The following MCM10 variants were observed in gnomAD, a reference collection of about 807,000 sequenced individuals.
The protein encoded by MCM10 is minichromosome maintenance 10 replication initiation factor.
In MCM10, 91 loss-of-function variants were observed where a neutral mutation model predicts 109.9. The observed-to-expected ratio is 0.83, with a 90% CI of 0.70 to 0.99. The LOEUF (loss-of-function observed/expected upper bound fraction) is 0.99, where lower values mean the gene tolerates loss of function less well. Ranked by LOEUF, MCM10 falls within the 50% of genes least tolerant of loss-of-function variation. The probability of loss-of-function intolerance (pLI) is 0.00; values close to 1 mark genes in which losing one functional copy is unlikely to be tolerated. For synonymous variants in MCM10, 380 were observed against 387.2 expected, an observed-to-expected ratio of 0.98 and a Z score of 0.22; for missense variants, 1,077 against 1,061.2, an observed-to-expected ratio of 1.01 and a Z score of -0.21.
chr10:13,175,119 A>G (rs1243223299), intron 5 of MCM10, among the ~76,000 whole-genome samples: 1 of 151,460 alleles, frequency 6.6e-6, no homozygotes, highest in African/African-American at 2.4e-5. Context: ...GTGAAACTCC[A>G]TCTCAAAAAA....
At chr10:13,198,435 A>G (rs1375350798) in intron 15 of MCM10, among the ~76,000 whole-genome samples, 1 of 152,178 alleles carries the variant, frequency 6.6e-6, no homozygotes, top group East Asian at 1.9e-4. Context: ...GTTATCTGTT[A>G]CTATCGTCAG....
At chr10:13,171,462 A>G (rs1438073319) in intron 3 of MCM10, among the ~76,000 whole-genome samples, 199 bp downstream of exon 3, 1 of 152,232 alleles carries the variant, frequency 6.6e-6, no homozygotes, top group Non-Finnish European at 1.5e-5. Flanking sequence ...TATAGACTCT[A>G]TCAGTGTCAG....
intron 15 of MCM10, 102 bp from the exon 16 acceptor site, chr10:13,198,587 G>A: frequency 1.3e-6 from 1 of 756,130 alleles, no homozygotes. Flanking sequence ...TTGAAGGGCT[G>A]GTAGGCAGAG....
rs777118584 is a variant in MCM10, at chr10:13,180,548, A to G, written c.871A>G (p.Ile291Val). The part of the protein sequence containing the change: ...EKMAREKLEE[I>V]DWVTFGVILK... ...GATGGCCAGAGAGAAGCTGGAAGAA[A>G]TAGATTGGGTGACATTTGGGGTTAT... The change falls in exon 7 of 20, where the codon ATA becomes GTA. Residue 291 changes from isoleucine to valine, a missense_variant. By Grantham distance (29) the Ile-to-Val change is conservative (BLOSUM62 3). Coordinates refer to ENST00000378714, the MANE Select transcript of MCM10 (RefSeq NM_018518.5). 4 of 1,614,174 alleles carry G rather than the reference A, an allele frequency of 2.5e-6. No homozygotes were observed. The South Asian group carries it at 3.3e-5, about 13-fold the overall frequency.
At chr10:13,162,841 A>C (rs1017253569) in intron 1 of MCM10, among the ~76,000 whole-genome samples, 4 of 152,190 alleles carry the variant, frequency 2.6e-5, no homozygotes, top group Admixed American at 1.3e-4. Context: ...GCGCTTTGGG[A>C]GGCCAAGGCG....
chr10:13,198,826 A>C lies in MCM10; in HGVS notation c.2238+19A>C. 1.3e-5 allele frequency: 20 copies of C among 1,532,892 alleles called. No homozygotes were observed. Among genetic ancestry groups the C allele is most frequent in the Non-Finnish European group, 1.7e-5 (19 of 1,109,474 alleles). 95.0% of individuals were successfully genotyped at this position (1,532,892 alleles called of 1,614,324 possible). A position where few individuals can be genotyped will look rare whatever the true frequency, so the allele number is the denominator to read the frequency against. ...GAAAGAGGTAAGAGCCCAAAAGCTC[A>C]AGGATGGTGTTGATGTCCGATGTCC... On this transcript the variant is annotated intron_variant, in intron 16 of 19. Coordinates refer to ENST00000378714, the MANE Select transcript of MCM10 (RefSeq NM_018518.5).
intron 6 of MCM10, among the ~76,000 whole-genome samples, chr10:13,177,409 T>C (rs1319821087): frequency 1.3e-5 from 2 of 152,114 alleles, no homozygotes; most frequent in Non-Finnish European, 2.9e-5. Context: ...TTAATAGACT[T>C]GCTAGTTAAG....
intron 10 of MCM10, among the ~76,000 whole-genome samples, chr10:13,191,019 C>G (rs1424654045): frequency 6.6e-6 from 1 of 152,172 alleles, no homozygotes; most frequent in African/African-American, 2.4e-5. Flanking sequence ...AATATCCAGA[C>G]TGCTGGATCA....
At chr10:13,166,674 AT>A in intron 2 of MCM10, among the ~76,000 whole-genome samples, 1 of 141,186 alleles carries the variant, frequency 7.1e-6, no homozygotes, top group Admixed American at 7.0e-5. Flanking sequence ...ATATATATAT[AT>A]ATATATATAT....
rs1834642438 is a variant in MCM10, at chr10:13,210,241, G to A, written c.*931G>A. ...AGCTAATTTTTGCATTTTTTGTAGA[G>A]ATGGGGTTTTGCCATGTTGCTCAGG... On this transcript the variant is annotated 3_prime_UTR_variant, in exon 20 of 20. Coordinates refer to ENST00000378714, the MANE Select transcript of MCM10 (RefSeq NM_018518.5). The A allele has an allele frequency of 1.3e-5, 2 of 149,614 alleles. No individual in the cohort carries two copies. The highest frequency in any genetic ancestry group is 2.1e-4 in the South Asian group (1 of 4,724). 9.3% of individuals were successfully genotyped at this position (149,614 alleles called of 1,614,324 possible).
intron 2 of MCM10, among the ~76,000 whole-genome samples, chr10:13,167,120 C>A (rs771528143): frequency 2.0e-5 from 3 of 152,072 alleles, no homozygotes; most frequent in Non-Finnish European, 4.4e-5. Flanking sequence ...GCCTGTGTGA[C>A]CCTGTCTTGA....
intron 11 of MCM10, among the ~76,000 whole-genome samples, chr10:13,191,744 A>G (rs1331427793): frequency 1.3e-5 from 2 of 152,168 alleles, no homozygotes; most frequent in African/African-American, 4.8e-5. Flanking sequence ...GATTTTAGCT[A>G]TGTCTTACCT....
At chr10:13,191,551 A>T (rs576296248) in intron 11 of MCM10, 152 bp downstream of exon 11, 2 of 612,292 alleles carry the variant, frequency 3.3e-6, no homozygotes, top group Non-Finnish European at 2.9e-6. Flanking sequence ...TTCATGCACA[A>T]AAATAAATAA....
intron 8 of MCM10, among the ~76,000 whole-genome samples, chr10:13,183,988 T>C (rs1834243206): frequency 6.6e-6 from 1 of 152,130 alleles, no homozygotes; most frequent in Admixed American, 6.6e-5. Flanking sequence ...CCTCAGCAGC[T>C]GGGATTACAG....
chr10:13,181,539 G>T (rs191208619), intron 7 of MCM10, among the ~76,000 whole-genome samples: 3 of 152,118 alleles, frequency 2.0e-5, no homozygotes, highest in South Asian at 2.1e-4. Flanking sequence ...AGGGCAGGGA[G>T]GGGGAGAGCA....
At position 13,164,150 on chromosome 10, in the gene MCM10, T is replaced by G. The variant is rs1290472832; in HGVS notation, c.-53T>G. On this transcript the variant is annotated 5_prime_UTR_variant, in exon 2 of 20. Coordinates refer to ENST00000378714, the MANE Select transcript of MCM10 (RefSeq NM_018518.5). ...CAGCCAAGATTCTACATTGCTCATC[T>G]GGGCATCTGAGCCTCCTTCGAAGTT... The G allele has an allele frequency of 3.3e-6, 5 of 1,534,198 alleles. No individual in the cohort carries two copies. Among genetic ancestry groups the G allele is most frequent in the South Asian group, 1.2e-5 (1 of 80,120 alleles).
rs778807335 is a variant in MCM10 at position 13,188,866 on chromosome 10, C to T, written c.1216-15C>T. 3 of 1,613,088 alleles carry T rather than the reference C, an allele frequency of 1.9e-6. No homozygotes were observed. The highest frequency in any genetic ancestry group is 1.7e-5 in the Admixed American group (1 of 60,026). ...TGTTGCCCTCATCCTGATGCCACTG[C>T]TCTGCCTTTTGCAGCGTGACTGTGA... On this transcript the variant is annotated splice_polypyrimidine_tract_variant and intron_variant, in intron 9 of 19. Coordinates refer to ENST00000378714, the MANE Select transcript of MCM10 (RefSeq NM_018518.5).
Position 13,209,094 on chromosome 10 carries a change from CTG to C in MCM10, c.2505_2506del (p.Cys835TrpfsTer33), listed in dbSNP as rs1360016613. 6.2e-7 allele frequency: 1 copy of C among 1,611,918 alleles called. No homozygotes were observed. Among genetic ancestry groups the C allele is most frequent in the Non-Finnish European group, 8.5e-7 (1 of 1,177,944 alleles). ...DRLPNKHCSN[C>X]GLYKWERDGM... ...AAATCCATCTGTTCTGTTTCAGTAA[CTG>C]TGGCCTCTACAAATGGGAACGGGAC... On this transcript the variant is annotated frameshift_variant, in exon 19 of 20. Transcript: ENST00000378714. LOFTEE classifies it high-confidence loss of function.
chr10:13,197,940 G>T (rs1028125421), intron 15 of MCM10, among the ~76,000 whole-genome samples, 173 bp downstream of exon 15: 2 of 143,968 alleles, frequency 1.4e-5, no homozygotes, highest in Non-Finnish European at 3.0e-5. Context: ...TTTTCATGGA[G>T]TCTTGCTCTG....
Sources: gnomAD v4.1 joint callset for allele counts (sites outside exome capture counted in the v4.1 genomes callset) on GRCh38, gnomAD v4.1.1 for gene constraint, MANE v1.5 for transcripts, NCBI Gene and HGNC (gene_info 2026-07-23, HGNC 2026-07-21) for gene names.